DMD: variants seen among roughly 807,000 people sequenced by gnomAD.
DMD encodes mutant dystrophin.
In DMD, 63 loss-of-function variants were observed where a neutral mutation model predicts 330.1. The observed-to-expected ratio is 0.19, with a 90% CI of 0.16 to 0.24. DMD has a LOEUF of 0.24. Ranked by LOEUF, DMD falls within the 10% of genes least tolerant of loss-of-function variation. DMD has a pLI of 1.00. For synonymous variants in DMD, 1,223 were observed against 959.8 expected, an observed-to-expected ratio of 1.27 and a Z score of -5.07; for missense variants, 3,344 against 2,684.1, an observed-to-expected ratio of 1.25 and a Z score of -5.43.
At chrX:33,014,303 G>A (rs909227774) in intron 2 of DMD, among the ~76,000 whole-genome samples, 3 of 111,746 alleles carry the variant, frequency 2.7e-5, no homozygotes, top group Non-Finnish European at 5.6e-5. Context: ...AAAACCTTCC[G>A]TGTTCAAGCA....
At chrX:32,463,680 G>A in intron 24 of DMD, 86 bp from the exon 25 acceptor site, 1 of 847,394 alleles carries the variant, frequency 1.2e-6, no homozygotes, top group Non-Finnish European at 1.6e-6. Context: ...TGTAAAATTG[G>A]GACTGATGGC....
intron 18 of DMD, chrX:32,516,561 C>G (rs908445231): frequency 9.0e-6 from 1 of 111,555 alleles, no homozygotes; most frequent in Non-Finnish European, 1.9e-5. Flanking sequence ...TCAAAGCTGT[C>G]TTAAGATAAA....
chrX:33,336,882 A>G (rs1238508811), intron 1 of DMD, among the ~76,000 whole-genome samples: 1 of 111,196 alleles, frequency 9.0e-6, no homozygotes, highest in Non-Finnish European at 1.9e-5. Flanking sequence ...ATATTGGCAG[A>G]CATTTCCAGC....
chrX:32,005,362 A>G (rs1434635237), intron 44 of DMD, among the ~76,000 whole-genome samples: 2 of 111,211 alleles, frequency 1.8e-5, no homozygotes, highest in African/African-American at 6.5e-5. Context: ...GCCCACTGAG[A>G]CCACGCGGGC....
chrX:32,529,379 CTTTTTTTTTTTTTTTTTTT>C (rs777955346), intron 17 of DMD, among the ~76,000 whole-genome samples: 13 of 31,063 alleles, frequency 4.2e-4, no homozygotes, highest in Non-Finnish European at 5.4e-4. Flanking sequence ...CAAAAATCAA[CTTTTTTTTTTTTTTTTTTT>C]TTTTTTTTTT....
chrX:31,736,960 G>A (rs2086915014), intron 51 of DMD, among the ~76,000 whole-genome samples: 1 of 111,723 alleles, frequency 9.0e-6, no homozygotes, highest in Non-Finnish European at 1.9e-5. Flanking sequence ...AGAATTAATA[G>A]AGTTAATATT....
At chrX:32,972,572 G>A (rs973338302) in intron 2 of DMD, among the ~76,000 whole-genome samples, 3 of 111,816 alleles carry the variant, frequency 2.7e-5, no homozygotes, top group African/African-American at 9.8e-5. Context: ...GAAAAAAATT[G>A]ATCAACATTT....
intron 52 of DMD, among the ~76,000 whole-genome samples, chrX:31,709,515 T>G (rs2084445613): frequency 9.1e-6 from 1 of 109,473 alleles, no homozygotes; most frequent in South Asian, 4.0e-4. Flanking sequence ...AAATAAAAAT[T>G]TTTTCTTTAT....
chrX:32,736,111 G>C, intron 7 of DMD, among the ~76,000 whole-genome samples: 1 of 112,204 alleles, frequency 8.9e-6, no homozygotes. Flanking sequence ...CGAAGGACAT[G>C]AACAGACAAT....
In DMD at chrX:31,300,146, G is replaced by A. The variant is rs184702984; in HGVS notation, c.9224+23452C>T. On this transcript the variant is annotated intron_variant, in intron 62 of 78. Transcript: ENST00000357033. ...GACTGCGTCGGTTGATTTTATTTTCGATGCTCTACATTTCCATTCTGGGTC... is the reference window on the plus strand; with the variant it reads ...GACTGCGTCGGTTGATTTTATTTTCAATGCTCTACATTTCCATTCTGGGTC... 3.8e-4 allele frequency among the ~76,000 whole-genome samples: 43 copies of A among 111,785 alleles called. No individual in the cohort carries two copies. The East Asian group carries it at 0.012, about 31-fold the overall frequency.
chrX:33,288,215 AT>A (rs2053461946), intron 1 of DMD, among the ~76,000 whole-genome samples: 1 of 111,463 alleles, frequency 9.0e-6, no homozygotes, highest in Non-Finnish European at 1.9e-5. Flanking sequence ...AAAAATAAAG[AT>A]TTTACTTTCT....
chrX:31,844,789 G>A (rs2093383330), intron 48 of DMD, among the ~76,000 whole-genome samples: 1 of 110,969 alleles, frequency 9.0e-6, no homozygotes, highest in African/African-American at 3.3e-5. Flanking sequence ...TGTGGTTATT[G>A]TAAATAGTTT....
intron 1 of DMD, among the ~76,000 whole-genome samples, chrX:33,111,270 A>C (rs1383600332): frequency 1.8e-5 from 2 of 112,026 alleles, no homozygotes; most frequent in African/African-American, 6.5e-5. Context: ...AGGCTCTGAC[A>C]TCAAGGAATA....
rs962211140 is a variant in DMD at position 31,120,686 on chromosome X, A to G, written c.*1233T>C. 9.0e-6 allele frequency: 1 copy of G among 110,531 alleles called. No homozygotes were observed. The allele number at this position is 110,531 out of a possible 1,213,427, so 9.1% of individuals were successfully genotyped here. A position where few individuals can be genotyped will look rare whatever the true frequency, so the allele number is the denominator to read the frequency against. ...CAATCCTTCACTTAAAGAGTGGCCT[A>G]CTCCTTCACAGGGATGGGCTGGGAA... On this transcript the variant is annotated 3_prime_UTR_variant, in exon 79 of 79. Transcript: ENST00000357033.
chrX:31,293,218 T>TGTGTGTGTGTGTGTGTGTGTGTGTGG (rs2053896256), intron 62 of DMD, among the ~76,000 whole-genome samples: 1 of 95,879 alleles, frequency 1.0e-5, no homozygotes, highest in African/African-American at 4.4e-5. Flanking sequence ...TGTGTGTGTG[T>TGTGTGTGTGTGTGTGTGTGTGTGTGG]GTGTGTGTGT....
chrX:33,128,165 T>C (rs1003239188), intron 1 of DMD: 11 of 1,207,305 alleles, frequency 9.1e-6, no homozygotes, highest in Non-Finnish European at 1.1e-5. Context: ...ACCTCAGACA[T>C]TTCAAATTCT....
chrX:32,645,942 TAAG>T (rs1250106764), intron 9 of DMD, among the ~76,000 whole-genome samples: 1 of 111,552 alleles, frequency 9.0e-6, no homozygotes. Flanking sequence ...AAAAAATTGC[TAAG>T]AAGTGATCAC....
intron 55 of DMD, among the ~76,000 whole-genome samples, chrX:31,610,402 T>G (rs746834866): frequency 8.1e-5 from 9 of 111,555 alleles, no homozygotes; most frequent in Non-Finnish European, 1.1e-4. Context: ...TACGGGATAC[T>G]TAGATAATCT....
intron 44 of DMD, among the ~76,000 whole-genome samples, chrX:32,168,844 A>G (rs2096877667): frequency 8.9e-6 from 1 of 111,738 alleles, no homozygotes; most frequent in Non-Finnish European, 1.9e-5. Context: ...AAGCTATTAG[A>G]CCCACATAAA....
Sources: gnomAD v4.1 joint callset for allele counts (sites outside exome capture counted in the v4.1 genomes callset) on GRCh38, gnomAD v4.1.1 for gene constraint, MANE v1.5 for transcripts, NCBI Gene and HGNC (gene_info 2026-07-23, HGNC 2026-07-21) for gene names.